EPB41L3: variants seen among roughly 807,000 people sequenced by gnomAD.
EPB41L3 encodes the protein band 4.1-like protein 3.
A neutral mutation model predicts 127.1 loss-of-function variants in EPB41L3; 57 were observed. That is an observed-to-expected ratio of 0.45 (90% CI 0.36 to 0.56). The LOEUF is 0.56. Among genes scored for constraint, EPB41L3 ranks in the 20% least tolerant of loss-of-function variants. The probability of loss-of-function intolerance (pLI) is 0.00; values close to 1 mark genes in which losing one functional copy is unlikely to be tolerated. For missense variants in EPB41L3, 1,273 were observed against 1,372.2 expected (o/e 0.93, Z 1.14); for synonymous variants, 572 against 549.5 (o/e 1.04, Z -0.57).
intron 3 of EPB41L3, among the ~76,000 whole-genome samples, chr18:5,596,561 G>A (rs112335275): frequency 0.012 from 1,776 of 152,196 alleles, 27 homozygotes; most frequent in African/African-American, 0.035. Context: ...TGTCTCAGCC[G>A]TAGACACTCA....
Position 5,396,242 on chromosome 18 carries a change from C to T in EPB41L3, c.2932G>A (p.Val978Ile). 1.9e-6 allele frequency: 3 copies of T among 1,614,220 alleles called. No individual in the cohort carries two copies. Among genetic ancestry groups the T allele is most frequent in the African/African-American group, 1.3e-5 (1 of 75,066 alleles). ...LEISTKEVPV[V>I]HTETKTITYE... ...GTGATGGTTTTGGTTTCGGTGTGAACTACTGGCACTTCCTTCGTGGAAATT... is the reference window on the plus strand; with the variant it reads ...GTGATGGTTTTGGTTTCGGTGTGAATTACTGGCACTTCCTTCGTGGAAATT... The change falls in exon 19 of 23, where the codon GTT (valine) becomes ATT (isoleucine). Residue 978 changes from valine to isoleucine, a missense_variant. This residue lies in a region of EPB41L3 where 765 missense variants were observed against 782.9 expected (regional missense o/e 0.98). Transcript: ENST00000341928.
At chr18:5,601,702 C>G (rs948502109) in intron 3 of EPB41L3, among the ~76,000 whole-genome samples, 1 of 152,124 alleles carries the variant, frequency 6.6e-6, no homozygotes, top group African/African-American at 2.4e-5. Flanking sequence ...AGAACTATCC[C>G]AGAAATCCAG....
At chr18:5,469,489 C>A (rs529253487) in intron 3 of EPB41L3, among the ~76,000 whole-genome samples, 25 of 152,210 alleles carry the variant, frequency 1.6e-4, no homozygotes, top group Middle Eastern at 3.4e-3. Context: ...AGTGGCTGGA[C>A]CCCGCACTTG....
rs547679814 is a variant in EPB41L3 at position 5,395,657 on chromosome 18, C to T, written c.3024G>A (p.Thr1008=). 16 of 1,614,140 alleles carry T rather than the reference C, an allele frequency of 9.9e-6. No homozygotes were observed. The South Asian group carries it at 1.5e-4, about 16-fold the overall frequency. The change falls in exon 20 of 23, where the codon ACG becomes ACA. Residue 1008 remains threonine (T), a synonymous_variant. Transcript: ENST00000341928. ...TGGTACTGGTGGTTTCAGATGTGAT[C>T]GTCTGTGCACTCATCAGCACGCCTG... ...LEPGVLMSAQ[T]ITSETTSTTT... is the part of the protein sequence containing the mutation.
intron 3 of EPB41L3, among the ~76,000 whole-genome samples, chr18:5,563,820 A>T (rs1447610860): frequency 6.6e-6 from 1 of 152,216 alleles, no homozygotes; most frequent in Admixed American, 6.5e-5. Flanking sequence ...CTTAAGGCTG[A>T]GTTGCTCATG....
chr18:5,431,323 C>T (rs1168540433), intron 8 of EPB41L3: 1 of 152,244 alleles, frequency 6.6e-6, no homozygotes, highest in Admixed American at 6.5e-5. Flanking sequence ...GCATCTCGCT[C>T]ATAACCGGAG....
rs763472908 is a variant in EPB41L3 at position 5,428,324 on chromosome 18, G to T, written c.1054C>A (p.Arg352=). 6.2e-7 allele frequency: 1 copy of T among 1,614,100 alleles called. No individual in the cohort carries two copies. The highest frequency in any genetic ancestry group is 2.2e-5 in the East Asian group (1 of 44,866). ...GTGGGTATACTTACCTCTCCCGGCCGGATCTTAATGTAAAAGTTGTTCCGT... is the reference window on the plus strand; with the variant it reads ...GTGGGTATACTTACCTCTCCCGGCCTGATCTTAATGTAAAAGTTGTTCCGT... ...YKRNNFYIKI[R]PGEFEQFEST... The change falls in exon 9 of 23, where the codon CGG becomes AGG. Residue 352 remains arginine (R), a synonymous_variant. Transcript: ENST00000341928.
chr18:5,493,083 A>C (rs2090782090), intron 1 of EPB41L3, among the ~76,000 whole-genome samples: 1 of 152,172 alleles, frequency 6.6e-6, no homozygotes, highest in Non-Finnish European at 1.5e-5. Context: ...AAAAAAAGTC[A>C]GTTAATCCTC....
At chr18:5,590,567 C>CAG (rs1491444432) in intron 3 of EPB41L3, among the ~76,000 whole-genome samples, 2 of 54,020 alleles carry the variant, frequency 3.7e-5, no homozygotes, top group Non-Finnish European at 1.1e-4. Context: ...ACACTATGTT[C>CAG]ACACACACAC....
upstream of EPB41L3, among the ~76,000 whole-genome samples, chr18:5,629,912 C>T (rs1228726575): frequency 6.6e-6 from 1 of 152,138 alleles, no homozygotes; most frequent in African/African-American, 2.4e-5. Flanking sequence ...AAACGGCCGG[C>T]GCGGAGGGGT....
At position 5,539,279 on chromosome 18, in the gene EPB41L3, T is replaced by C. The variant is rs543749563; in HGVS notation, c.-12+4634A>G. On this transcript the variant is annotated intron_variant, in intron 1 of 22. Coordinates refer to ENST00000341928, the MANE Select transcript of EPB41L3 (RefSeq NM_012307.5). ...CTCTCTCTCTCTCTCTCTCTGTTTT[T>C]AGTTTGTAAGGCAGGGTTATAAGAA... Among the ~76,000 whole-genome samples the C allele has an allele frequency of 2.0e-5, 3 of 152,118 alleles. No homozygotes were observed. In the South Asian group the frequency reaches 6.2e-4, roughly 32 times the overall value.
intron 3 of EPB41L3, among the ~76,000 whole-genome samples, chr18:5,554,224 T>C (rs1298235311): frequency 6.6e-6 from 1 of 152,244 alleles, no homozygotes; most frequent in Non-Finnish European, 1.5e-5. Flanking sequence ...TCATGTTTAT[T>C]GTCTGTCTTC....
At chr18:5,452,236 T>C (rs530174104) in intron 3 of EPB41L3, among the ~76,000 whole-genome samples, 1 of 152,320 alleles carries the variant, frequency 6.6e-6, no homozygotes, top group African/African-American at 2.4e-5. Context: ...GTTTGCAACT[T>C]ATAAATTTTT....
At chr18:5,620,842 T>C (rs1235932987) in intron 1 of EPB41L3, among the ~76,000 whole-genome samples, 1 of 152,150 alleles carries the variant, frequency 6.6e-6, no homozygotes, top group African/African-American at 2.4e-5. Flanking sequence ...TTCTGTACTC[T>C]TAGGCCATCA....
intron 1 of EPB41L3, among the ~76,000 whole-genome samples, chr18:5,517,640 G>A (rs558476903): frequency 1.8e-4 from 28 of 152,138 alleles, no homozygotes; most frequent in African/African-American, 6.3e-4. Flanking sequence ...GTTTCACCAC[G>A]TTGGCCAGGC....
At chr18:5,542,788 G>A (rs980991533) in intron 1 of EPB41L3, among the ~76,000 whole-genome samples, 2 of 152,176 alleles carry the variant, frequency 1.3e-5, no homozygotes, top group African/African-American at 4.8e-5. Context: ...CATTGCAAGG[G>A]ACCACAGTTA....
At chr18:5,407,260 T>C (rs1006027601) in intron 15 of EPB41L3, 1 of 415,706 alleles carries the variant, frequency 2.4e-6, no homozygotes, top group African/African-American at 2.0e-5. Context: ...AAAATAAATA[T>C]ACACACAGGA....
intron 1 of EPB41L3, among the ~76,000 whole-genome samples, chr18:5,619,198 C>T (rs2094832483): frequency 1.3e-5 from 2 of 152,034 alleles, no homozygotes; most frequent in South Asian, 4.1e-4. Flanking sequence ...GGATGAAGTT[C>T]AGAAGCAGTA....
intron 3 of EPB41L3, chr18:5,570,163 T>C (rs1257412245): frequency 6.6e-6 from 1 of 152,182 alleles, no homozygotes; most frequent in Non-Finnish European, 1.5e-5. Context: ...ATCACATCTT[T>C]ATTTTTTCTG....
Sources: gnomAD v4.1 joint callset for allele counts (sites outside exome capture counted in the v4.1 genomes callset) on GRCh38, gnomAD v4.1.1 for gene constraint, gnomAD v4.1.1 regional missense constraint, MANE v1.5 for transcripts, NCBI Gene and HGNC (gene_info 2026-07-23, HGNC 2026-07-21) for gene names.